The following KHDRBS2 variants were observed in gnomAD, a reference collection of about 807,000 sequenced individuals.
The protein encoded by KHDRBS2 is KH RNA binding domain containing, signal transduction associated 2.
In KHDRBS2, 26 loss-of-function variants were observed where a neutral mutation model predicts 44.3. The observed-to-expected ratio is 0.59, with a 90% CI of 0.43 to 0.81. The LOEUF (loss-of-function observed/expected upper bound fraction) is 0.81. KHDRBS2 is among the 40% of genes least tolerant of loss of function. KHDRBS2 has a pLI of 0.00. For missense variants in KHDRBS2, 476 were observed against 433.1 expected (o/e 1.10, Z -0.88); for synonymous variants, 194 against 151.1 (o/e 1.28, Z -2.08).
chr6:61,721,887 C>T (rs1251852420), intron 7 of KHDRBS2, among the ~76,000 whole-genome samples: 2 of 144,382 alleles, frequency 1.4e-5, no homozygotes, highest in African/African-American at 2.6e-5. Context: ...CCAGTTTTTG[C>T]CCATTCAGTA....
chr6:61,701,012 T>G lies in KHDRBS2; in HGVS notation c.894-3759A>C, dbSNP rs62423546. ...TATGTAGAAATGTGGAATTACCATTTATATCCCAAACTATAGGGCATTATC... is the reference window on the plus strand; with the variant it reads ...TATGTAGAAATGTGGAATTACCATTGATATCCCAAACTATAGGGCATTATC... On this transcript the variant is annotated intron_variant, in intron 7 of 8. Transcript: ENST00000281156. Among the ~76,000 whole-genome samples, 724 of 152,024 alleles carry G rather than the reference T, an allele frequency of 4.8e-3. 3 individuals are homozygous for G. The highest frequency in any genetic ancestry group is 7.7e-3 in the Non-Finnish European group (522 of 67,956).
At chr6:61,831,670 G>A (rs1791841416) in intron 6 of KHDRBS2, among the ~76,000 whole-genome samples, 1 of 151,970 alleles carries the variant, frequency 6.6e-6, no homozygotes, top group African/African-American at 2.4e-5. Flanking sequence ...TACATAATAT[G>A]ATCAATAGAT....
intron 2 of KHDRBS2, among the ~76,000 whole-genome samples, chr6:62,064,974 C>T (rs550653496): frequency 2.0e-5 from 3 of 151,838 alleles, no homozygotes; most frequent in Non-Finnish European, 2.9e-5. Flanking sequence ...GGGTGAAGGA[C>T]ATGAACAGAC....
chr6:62,278,753 C>T (rs1011379847), intron 1 of KHDRBS2, among the ~76,000 whole-genome samples: 37 of 152,068 alleles, frequency 2.4e-4, no homozygotes, highest in African/African-American at 8.0e-4. Flanking sequence ...CTTTGTGCCG[C>T]GTATGTGCCA....
At chr6:61,605,599 G>T in the KHDRBS2 span, among the ~76,000 whole-genome samples, 1 of 151,838 alleles carries the variant, frequency 6.6e-6, no homozygotes, top group African/African-American at 2.4e-5. Flanking sequence ...AATTCTAAAT[G>T]ACAAATGTTT....
intron 6 of KHDRBS2, among the ~76,000 whole-genome samples, chr6:61,891,041 T>A (rs550271139): frequency 6.6e-6 from 1 of 152,330 alleles, no homozygotes; most frequent in Non-Finnish European, 1.5e-5. Flanking sequence ...TATAGTTAAA[T>A]TTTGATTATT....
intron 1 of KHDRBS2, among the ~76,000 whole-genome samples, chr6:62,282,670 G>A (rs906466893): frequency 2.0e-4 from 30 of 152,136 alleles, no homozygotes; most frequent in Non-Finnish European, 3.1e-4. Context: ...CCAAAATAAA[G>A]TATATGCCTC....
chr6:61,548,443 C>T, the KHDRBS2 span, among the ~76,000 whole-genome samples: 1 of 152,020 alleles, frequency 6.6e-6, no homozygotes, highest in Non-Finnish European at 1.5e-5. Flanking sequence ...TAGGATGAGG[C>T]CTGAGAGTCT....
the KHDRBS2 span, among the ~76,000 whole-genome samples, chr6:61,584,307 G>A: frequency 1.3e-5 from 2 of 151,768 alleles, no homozygotes; most frequent in Non-Finnish European, 3.0e-5. Context: ...TAAAAAGAAA[G>A]CGTTTAATAT....
the KHDRBS2 span, among the ~76,000 whole-genome samples, chr6:61,567,755 C>A: frequency 1.2e-4 from 19 of 152,238 alleles, no homozygotes; most frequent in Admixed American, 8.5e-4. Context: ...ACACAATACT[C>A]TCTCTTTCCC....
chr6:61,616,265 A>T, the KHDRBS2 span, among the ~76,000 whole-genome samples: 1 of 152,034 alleles, frequency 6.6e-6, no homozygotes, highest in African/African-American at 2.4e-5. Flanking sequence ...AGCCTCCCCT[A>T]TCTGAAGGCT....
chr6:62,260,190 T>C (rs1838111185), intron 1 of KHDRBS2, among the ~76,000 whole-genome samples: 1 of 152,034 alleles, frequency 6.6e-6, no homozygotes, highest in Non-Finnish European at 1.5e-5. Context: ...AATGAAGTAA[T>C]AAGCACCAGT....
intron 2 of KHDRBS2, among the ~76,000 whole-genome samples, chr6:62,171,643 T>A (rs975988936): frequency 4.4e-5 from 4 of 90,140 alleles, no homozygotes; most frequent in African/African-American, 6.9e-5. Context: ...AGATTTTCAG[T>A]CAAAATAAAA....
chr6:62,141,138 C>T (rs1812713532), intron 2 of KHDRBS2, among the ~76,000 whole-genome samples: 1 of 152,072 alleles, frequency 6.6e-6, no homozygotes, highest in South Asian at 2.1e-4. Flanking sequence ...AAGACATAAG[C>T]ATGAACGTCA....
intron 6 of KHDRBS2, among the ~76,000 whole-genome samples, chr6:61,869,964 G>GTTTTTTTTTTTTTTTTT (rs59518436): frequency 6.4e-5 from 7 of 109,014 alleles, no homozygotes; most frequent in African/African-American, 2.6e-4. Context: ...CTGCAGGAGT[G>GTTTTTTTTTTTTTTTTT]TTTTTTTTTT....
intron 3 of KHDRBS2, among the ~76,000 whole-genome samples, chr6:62,012,827 T>G (rs939788647): frequency 5.9e-5 from 9 of 152,312 alleles, no homozygotes; most frequent in African/African-American, 2.2e-4. Context: ...TACATAGCAC[T>G]ACTCACAACC....
chr6:61,806,300 C>T (rs1372073501), intron 6 of KHDRBS2, among the ~76,000 whole-genome samples: 1 of 152,112 alleles, frequency 6.6e-6, no homozygotes, highest in African/African-American at 2.4e-5. Context: ...TAAAAGCAGC[C>T]TGATATCCTT....
At chr6:62,003,523 C>G (rs550559804) in intron 3 of KHDRBS2, among the ~76,000 whole-genome samples, 1 of 152,016 alleles carries the variant, frequency 6.6e-6, no homozygotes, top group Non-Finnish European at 1.5e-5. Context: ...AAAGCAAGTC[C>G]TTAGAGACCT....
At chr6:62,059,164 AG>A (rs1362369914) in intron 2 of KHDRBS2, among the ~76,000 whole-genome samples, 2 of 146,696 alleles carry the variant, frequency 1.4e-5, no homozygotes, top group Non-Finnish European at 3.0e-5. Context: ...ATTCAAAGGA[AG>A]AAAAAATTAT....
Sources: allele counts gnomAD v4.1 joint callset (sites outside exome capture counted in the v4.1 genomes callset), GRCh38; gene constraint gnomAD v4.1.1; transcripts MANE v1.5; gene names NCBI Gene and HGNC (gene_info 2026-07-23, HGNC 2026-07-21).